NBPF12: variants seen among roughly 807,000 people sequenced by gnomAD.
The protein encoded by NBPF12 is NBPF family member NBPF12.
Under a neutral mutation model 146.4 loss-of-function variants are expected in NBPF12, and 115 were observed. The ratio of observed to expected loss-of-function variants is 0.79; its 90% CI spans 0.68 to 0.92. The LOEUF is 0.92. NBPF12 is among the 40% of genes least tolerant of loss of function. NBPF12 has a pLI of 0.00. For synonymous variants in NBPF12, 385 were observed against 508.9 expected (o/e 0.76, Z 3.28); for missense variants, 1,205 against 1,326.8 (o/e 0.91, Z 1.43).
At chr1:146,963,487 G>T (rs1655997027) in intron 6 of NBPF12, among the ~76,000 whole-genome samples, 178 bp downstream of exon 9, 1 of 152,076 alleles carries the variant, frequency 6.6e-6, no homozygotes, top group Non-Finnish European at 1.5e-5. Context: ...TGGGTTTGGA[G>T]GTCCCAGTAT....
upstream of NBPF12, among the ~76,000 whole-genome samples, chr1:146,946,712 T>A (rs1655092177): frequency 1.3e-5 from 2 of 150,466 alleles, no homozygotes; most frequent in African/African-American, 4.9e-5. Flanking sequence ...TTAATTTTTT[T>A]TCATTAGTAG....
intron 8 of NBPF12, 44 bp downstream of exon 11, chr1:146,965,148 T>A: frequency 2.7e-6 from 3 of 1,101,950 alleles, no homozygotes; most frequent in South Asian, 1.2e-5. Context: ...GTCTAGGCTA[T>A]GGAAGATCAA....
intron 1 of NBPF12, among the ~76,000 whole-genome samples, chr1:146,941,622 C>T (rs1427670002): frequency 6.8e-5 from 10 of 146,250 alleles, no homozygotes; most frequent in Middle Eastern, 3.5e-3. Context: ...GATGTGGTGG[C>T]GGGCACCTGT....
intron 9 of NBPF12, among the ~76,000 whole-genome samples, chr1:146,966,999 A>G (rs1355226875): frequency 6.6e-6 from 1 of 151,234 alleles, no homozygotes; most frequent in Non-Finnish European, 1.5e-5. Context: ...AAGATCCTGC[A>G]GACAAATAAC....
chr1:146,943,073 A>AT (rs1252665474), intron 1 of NBPF12, among the ~76,000 whole-genome samples: 47 of 144,432 alleles, frequency 3.3e-4, no homozygotes, highest in Non-Finnish European at 5.3e-4. Flanking sequence ...CTAATTTCTC[A>AT]TTTTTTATTT....
intron 2 of NBPF12, among the ~76,000 whole-genome samples, chr1:146,957,935 C>T (rs1225524875): frequency 2.7e-5 from 3 of 111,412 alleles, no homozygotes; most frequent in Admixed American, 1.0e-4. Context: ...AATATATATT[C>T]GTGTGTGTAT....
At chr1:146,994,280 T>C in intron 33 of NBPF12, 52 bp from the exon 37 acceptor site, 1 of 1,611,190 alleles carries the variant, frequency 6.2e-7, no homozygotes, top group Non-Finnish European at 8.5e-7. Flanking sequence ...AGTGAGGCTC[T>C]GTGGTGTCTG....
At chr1:146,971,330 A>T (rs1656596945) in exon 13 of NBPF12, 5 of 1,612,036 alleles carry the variant, frequency 3.1e-6, no homozygotes, top group African/African-American at 2.7e-5. Flanking sequence ...AAGTCAACTC[A>T]TCTCTGGTTG....
chr1:146,961,604 G>A (rs1244554905), intron 4 of NBPF12, among the ~76,000 whole-genome samples: 3 of 150,804 alleles, frequency 2.0e-5, no homozygotes, highest in Admixed American at 2.0e-4. Context: ...AAGTATTTGG[G>A]CATATTTCCT....
Position 146,957,892 on chromosome 1 carries a change from C to CCTATT in NBPF12, c.-183-1967_-183-1966insCTATT, listed in dbSNP as rs1202691907. 1.8e-5 allele frequency among the ~76,000 whole-genome samples: 2 copies of CCTATT among 109,628 alleles called. 1 individual carries two copies. Among genetic ancestry groups the CCTATT allele is most frequent in the Non-Finnish European group, 3.8e-5 (2 of 52,374 alleles). 71.9% of individuals were successfully genotyped at this position (109,628 alleles called of 152,430 possible). A position where few individuals can be genotyped will look rare whatever the true frequency, so the allele number is the denominator to read the frequency against. ...ATATATTGTATATTATGTATATACACATATATATACACGTATGTATATACA... is the reference window on the plus strand; with the variant it reads ...ATATATTGTATATTATGTATATACACCTATTATATATATACACGTATGTATATACA... On this transcript the variant is annotated intron_variant, in intron 2 of 33. Coordinates refer to ENST00000617844, the Ensembl canonical transcript of NBPF12.
rs1656069197 is a variant in NBPF12 at position 146,964,567 on chromosome 1, GAC to G, written c.566+142_566+143del. ...AGTATGTGAAATTCAACCCAGCTTA[GAC>G]ACAGGGTGCGACAGCTGTCATGTTT... On this transcript the variant is annotated intron_variant, in intron 7 of 33. Transcript: ENST00000617844. The G allele has an allele frequency of 1.4e-5, 20 of 1,410,932 alleles. No homozygotes were observed. In the South Asian group the frequency reaches 2.2e-4, roughly 16 times the overall value. The allele number at this position is 1,410,932 out of a possible 1,614,324, so 87.4% of individuals were successfully genotyped here.
chr1:146,965,947 A>C (rs1182488084), intron 8 of NBPF12, among the ~76,000 whole-genome samples: 1 of 151,524 alleles, frequency 6.6e-6, no homozygotes, highest in African/African-American at 2.4e-5. Context: ...ATCTCTACTA[A>C]AAATACAAAA....
chr1:146,972,734 G>T lies in NBPF12; in HGVS notation c.1592-17G>T. 4 of 1,357,786 alleles carry T rather than the reference G, an allele frequency of 2.9e-6. No homozygotes were observed. The highest frequency in any genetic ancestry group is 4.2e-6 in the Non-Finnish European group (4 of 949,728). 84.1% of individuals were successfully genotyped at this position (1,357,786 alleles called of 1,614,324 possible). A position where few individuals can be genotyped will look rare whatever the true frequency, so the allele number is the denominator to read the frequency against. The stretch of plus-strand genomic sequence containing the variant: ...TCAGTTTTTAACCCATCATGTGTTT[G>T]CCTTTCTTCTCCCCAGTCCCTGGCC... On this transcript the variant is annotated splice_polypyrimidine_tract_variant and intron_variant, in intron 13 of 33. Coordinates refer to ENST00000617844, the Ensembl canonical transcript of NBPF12.
intron 33 of NBPF12, among the ~76,000 whole-genome samples, chr1:146,993,983 C>G (rs1357638376): frequency 1.5e-5 from 1 of 68,336 alleles, no homozygotes; most frequent in African/African-American, 7.2e-5. Flanking sequence ...AACTATTGAG[C>G]TCACTCTTTT....
chr1:146,987,445 G>A (rs1367199386), intron 25 of NBPF12, among the ~76,000 whole-genome samples, 160 bp downstream of exon 28: 1 of 152,074 alleles, frequency 6.6e-6, no homozygotes, highest in Non-Finnish European at 1.5e-5. Flanking sequence ...TAGATATTTA[G>A]GTTTCCATTT....
upstream of NBPF12, among the ~76,000 whole-genome samples, chr1:146,944,683 G>A (rs1323821384): frequency 1.3e-5 from 2 of 151,738 alleles, no homozygotes; most frequent in African/African-American, 4.9e-5. Context: ...TAGTTTTACA[G>A]TAGTGCGTCT....
At chr1:146,970,687 G>T in exon 12 of NBPF12, 3 of 1,427,012 alleles carry the variant, frequency 2.1e-6, no homozygotes, top group Non-Finnish European at 3.0e-6. Flanking sequence ...AAGTTGAGGA[G>T]GATGAGAAAG....
chr1:146,961,879 C>T (rs1437466814), intron 4 of NBPF12, among the ~76,000 whole-genome samples: 1 of 152,048 alleles, frequency 6.6e-6, no homozygotes, highest in Non-Finnish European at 1.5e-5. Flanking sequence ...CAGAGTCAGA[C>T]CTCAGGGGCT....
chr1:146,960,687 G>A (rs1655792646), intron 4 of NBPF12, among the ~76,000 whole-genome samples: 1 of 151,926 alleles, frequency 6.6e-6, no homozygotes, highest in Non-Finnish European at 1.5e-5. Flanking sequence ...TCTAGGACTA[G>A]TGAACTTTTA....
Sources: allele counts gnomAD v4.1 joint callset (sites outside exome capture counted in the v4.1 genomes callset), GRCh38; gene constraint gnomAD v4.1.1; transcripts MANE v1.5; gene names NCBI Gene and HGNC (gene_info 2026-07-23, HGNC 2026-07-21).